The following NRF1 variants were observed in gnomAD, a reference collection of about 807,000 sequenced individuals.
NRF1 encodes alpha palindromic-binding protein.
A neutral mutation model predicts 58.5 loss-of-function variants in NRF1; 5 were observed. The observed-to-expected ratio is 0.09, with a 90% CI of 0.04 to 0.18. The LOEUF is 0.18. Among genes scored for constraint, NRF1 ranks in the 10% least tolerant of loss-of-function variants. The probability of loss-of-function intolerance (pLI) is 1.00; values close to 1 mark genes in which losing one functional copy is unlikely to be tolerated. For synonymous variants in NRF1, 224 were observed against 246.7 expected, an observed-to-expected ratio of 0.91 and a Z score of 0.86; for missense variants, 288 against 657.7, an observed-to-expected ratio of 0.44 and a Z score of 6.15.
rs749333673 is a variant in NRF1 at position 129,619,396 on chromosome 7, GTATATATATATA to G, written c.-7+7599_-7+7610del. Among the ~76,000 whole-genome samples, 84 of 47,350 alleles carry G rather than the reference GTATATATATATA, an allele frequency of 1.8e-3. 5 individuals are homozygous for G. The highest frequency in any genetic ancestry group is 8.7e-3 in the South Asian group (8 of 918). The allele number at this position is 47,350 out of a possible 152,430, so 31.1% of individuals were successfully genotyped here. A position where few individuals can be genotyped will look rare whatever the true frequency, so the allele number is the denominator to read the frequency against. ...GATAAAAACTGGACTTGGCATACGT[GTATATATATATA>G]TATATATATATATATATATATATAT... On this transcript the variant is annotated intron_variant, in intron 1 of 10. Transcript: ENST00000393232.
At chr7:129,725,429 G>A (rs913490055) in intron 9 of NRF1, among the ~76,000 whole-genome samples, 1 of 151,770 alleles carries the variant, frequency 6.6e-6, no homozygotes, top group Non-Finnish European at 1.5e-5. Flanking sequence ...CCGGGTTCAA[G>A]CAATTCTCCT....
chr7:129,709,324 A>T, intron 6 of NRF1, 91 bp downstream of exon 6: 1 of 1,169,182 alleles, frequency 8.6e-7, no homozygotes, highest in East Asian at 2.7e-5. Flanking sequence ...TGTGCTAGAA[A>T]GTCTTTGTGT....
intron 1 of NRF1, among the ~76,000 whole-genome samples, chr7:129,628,452 ACC>A (rs1017685662): frequency 3.9e-5 from 6 of 151,972 alleles, no homozygotes; most frequent in Admixed American, 6.6e-5. Flanking sequence ...TTAAAAAATA[ACC>A]CTGTACATGT....
intron 1 of NRF1, among the ~76,000 whole-genome samples, chr7:129,625,886 G>T (rs1800906478): frequency 6.6e-6 from 1 of 152,040 alleles, no homozygotes; most frequent in Non-Finnish European, 1.5e-5. Context: ...GTTTCACCAT[G>T]TTAGCCAGGA....
intron 5 of NRF1, among the ~76,000 whole-genome samples, chr7:129,693,860 T>C (rs529541363): frequency 1.3e-5 from 2 of 152,332 alleles, no homozygotes; most frequent in South Asian, 4.1e-4. Flanking sequence ...TCTCCTGTGA[T>C]GGGTATTTTT....
chr7:129,675,979 C>T (rs1401368554), intron 3 of NRF1, among the ~76,000 whole-genome samples: 2 of 152,200 alleles, frequency 1.3e-5, no homozygotes, highest in Non-Finnish European at 2.9e-5. Flanking sequence ...AGTGTAGCCA[C>T]TTATCTAGAT....
intron 1 of NRF1, among the ~76,000 whole-genome samples, chr7:129,629,374 G>T (rs1178814001): frequency 6.6e-6 from 1 of 151,748 alleles, no homozygotes; most frequent in Non-Finnish European, 1.5e-5. Flanking sequence ...CGCCTCCCGG[G>T]TTCAAGCGAT....
chr7:129,730,190 C>CT (rs1280410335), intron 10 of NRF1, among the ~76,000 whole-genome samples: 3 of 151,780 alleles, frequency 2.0e-5, no homozygotes, highest in African/African-American at 4.8e-5. Flanking sequence ...TTTTTTTAAT[C>CT]TTTTTTCTTT....
intron 1 of NRF1, among the ~76,000 whole-genome samples, chr7:129,617,481 T>G (rs1175950098): frequency 6.6e-6 from 1 of 152,206 alleles, no homozygotes; most frequent in African/African-American, 2.4e-5. Context: ...TGAAGCATTC[T>G]CTCCATTAAG....
At chr7:129,617,932 AT>A (rs1300134519) in intron 1 of NRF1, among the ~76,000 whole-genome samples, 1 of 152,192 alleles carries the variant, frequency 6.6e-6, no homozygotes, top group Non-Finnish European at 1.5e-5. Flanking sequence ...AGTGAAACTG[AT>A]AAGGTTGTGG....
chr7:129,660,375 G>A (rs1481671809), intron 2 of NRF1, among the ~76,000 whole-genome samples: 1 of 150,674 alleles, frequency 6.6e-6, no homozygotes, highest in African/African-American at 2.5e-5. Flanking sequence ...ACTCATTTCA[G>A]CATTAACTTA....
intron 5 of NRF1, among the ~76,000 whole-genome samples, chr7:129,701,519 C>T (rs1206635940): frequency 2.0e-5 from 3 of 150,140 alleles, no homozygotes; most frequent in East Asian, 2.0e-4. Flanking sequence ...CACTTGAACC[C>T]GGGAGGTGGA....
At chr7:129,634,993 T>C (rs1049194381) in intron 1 of NRF1, among the ~76,000 whole-genome samples, 3 of 152,218 alleles carry the variant, frequency 2.0e-5, no homozygotes, top group Admixed American at 6.5e-5. Context: ...TTTCCATGTG[T>C]TTTTACTCTC....
intron 3 of NRF1, among the ~76,000 whole-genome samples, chr7:129,676,635 G>GATTACAGATATA (rs757429461): frequency 6.6e-6 from 1 of 152,098 alleles, no homozygotes; most frequent in Non-Finnish European, 1.5e-5. Flanking sequence ...ACTGATCACA[G>GATTACAGATATA]ATCACTATAA....
intron 10 of NRF1, among the ~76,000 whole-genome samples, chr7:129,749,801 GTCC>G (rs1332066588): frequency 1.3e-5 from 2 of 151,532 alleles, no homozygotes; most frequent in Admixed American, 6.6e-5. Flanking sequence ...AACAAAATCA[GTCC>G]TCCTTTGATC....
chr7:129,661,914 G>A (rs999038655), intron 2 of NRF1, among the ~76,000 whole-genome samples: 1 of 150,668 alleles, frequency 6.6e-6, no homozygotes, highest in African/African-American at 2.5e-5. Context: ...AAGAAAAGAG[G>A]TTTCGGTGGA....
At chr7:129,693,541 C>T (rs1375144923) in intron 5 of NRF1, among the ~76,000 whole-genome samples, 1 of 151,734 alleles carries the variant, frequency 6.6e-6, no homozygotes, top group Non-Finnish European at 1.5e-5. Context: ...GATTTTTTGG[C>T]GTTTTTTTTT....
chr7:129,659,073 C>CTTTTTTTTTT lies in NRF1; in HGVS notation c.223+1513_223+1522dup, dbSNP rs780109640. Reference sequence around the variant, plus strand: ...CAACTGTATTTTAAACACCACAGGACTTTTTTTTTTTTTTTTTTTTTTTGA... The same window carrying CTTTTTTTTTT: ...CAACTGTATTTTAAACACCACAGGACTTTTTTTTTTTTTTTTTTTTTTTTTTTTTTTTTGA... On this transcript the variant is annotated intron_variant, in intron 2 of 10. Transcript: ENST00000393232. Among the ~76,000 whole-genome samples the CTTTTTTTTTT allele has an allele frequency of 2.0e-4, 18 of 88,158 alleles. 1 individual carries two copies. Among genetic ancestry groups the CTTTTTTTTTT allele is most frequent in the Admixed American group, 2.9e-4 (2 of 6,992 alleles). 57.8% of individuals were successfully genotyped at this position (88,158 alleles called of 152,430 possible).
intron 3 of NRF1, among the ~76,000 whole-genome samples, chr7:129,673,590 G>A (rs918362567): frequency 1.3e-5 from 2 of 151,630 alleles, no homozygotes; most frequent in South Asian, 2.1e-4. Context: ...AGTGGCGGGC[G>A]CCTGTAGTCC....
Sources: gnomAD v4.1 joint callset for allele counts (sites outside exome capture counted in the v4.1 genomes callset) on GRCh38, gnomAD v4.1.1 for gene constraint, MANE v1.5 for transcripts, NCBI Gene and HGNC (gene_info 2026-07-23, HGNC 2026-07-21) for gene names.